Variants in GMDS observed in about 807,000 individuals in gnomAD.
GMDS encodes GDP-mannose 4,6-dehydratase, also known as GDP-mannose 4,6 dehydratase.
Under a neutral mutation model 49.9 loss-of-function variants are expected in GMDS, and 20 were observed. The observed-to-expected ratio is 0.40, with a 90% CI of 0.28 to 0.58. The LOEUF is 0.58. Among genes scored for constraint, GMDS ranks in the 20% least tolerant of loss-of-function variants. The probability of loss-of-function intolerance (pLI) is 0.42; values close to 1 mark genes in which losing one functional copy is unlikely to be tolerated. For missense variants in GMDS, 362 were observed against 481.4 expected, an observed-to-expected ratio of 0.75 and a Z score of 2.32; for synonymous variants, 177 against 178.6, an observed-to-expected ratio of 0.99 and a Z score of 0.07.
intron 7 of GMDS, among the ~76,000 whole-genome samples, chr6:1,823,628 T>G (rs1770985206): frequency 6.6e-6 from 1 of 152,172 alleles, no homozygotes; most frequent in Admixed American, 6.5e-5. Context: ...CCTAAGGTTG[T>G]GACCTTACCT....
chr6:2,243,066 T>A (rs538267706), intron 1 of GMDS, among the ~76,000 whole-genome samples: 2 of 152,170 alleles, frequency 1.3e-5, no homozygotes, highest in Non-Finnish European at 2.9e-5. Flanking sequence ...CAGAAGCCAA[T>A]GCAACACCAA....
intron 6 of GMDS, among the ~76,000 whole-genome samples, chr6:1,933,351 T>C (rs1762382944): frequency 6.6e-6 from 1 of 152,258 alleles, no homozygotes; most frequent in South Asian, 2.1e-4. Flanking sequence ...TTCATGCCTT[T>C]TTGTGAACGT....
chr6:1,802,459 T>A (rs1417435039), intron 7 of GMDS, among the ~76,000 whole-genome samples: 1 of 152,258 alleles, frequency 6.6e-6, no homozygotes. Flanking sequence ...CTAAAAGATT[T>A]TCCTTTCCAA....
intron 7 of GMDS, among the ~76,000 whole-genome samples, chr6:1,809,793 T>A (rs3800077): frequency 0.092 from 13,981 of 152,132 alleles, 1,002 homozygotes; most frequent in East Asian, 0.24. Context: ...TCTTTTCTCT[T>A]TTCAGGGGAA....
chr6:2,117,699 C>T lies in GMDS; in HGVS notation c.148-143G>A, dbSNP rs545160741. On this transcript the variant is annotated intron_variant, in intron 2 of 10. Transcript: ENST00000380815. ...AATAGTCCCACTGCTTACTTTCTCC[C>T]CAACCACTGTCCACCAGCTACGAAC... 1.8e-5 allele frequency: 11 copies of T among 605,940 alleles called. No homozygotes were observed. In the East Asian group the frequency reaches 3.2e-4, roughly 17 times the overall value. 37.5% of individuals were successfully genotyped at this position (605,940 alleles called of 1,614,324 possible).
intron 1 of GMDS, among the ~76,000 whole-genome samples, chr6:2,223,115 CAATCAATCAATCAATA>C (rs932738672): frequency 6.6e-6 from 1 of 151,546 alleles, no homozygotes; most frequent in African/African-American, 2.4e-5. Flanking sequence ...ATCAATCAAT[CAATCAATCAATCAATA>C]GCGCGCTCTC....
At chr6:1,996,991 A>T (rs1448322084) in intron 4 of GMDS, among the ~76,000 whole-genome samples, 3 of 151,924 alleles carry the variant, frequency 2.0e-5, no homozygotes, top group East Asian at 3.9e-4. Flanking sequence ...AAGTCTTCTG[A>T]TGCCCACCTC....
At chr6:1,985,331 G>C (rs1003697027) in intron 4 of GMDS, among the ~76,000 whole-genome samples, 1 of 152,010 alleles carries the variant, frequency 6.6e-6, no homozygotes, top group Non-Finnish European at 1.5e-5. Context: ...TTAACCATAC[G>C]GGATAAGAAT....
chr6:2,172,647 G>A (rs895878947), intron 1 of GMDS, among the ~76,000 whole-genome samples: 5 of 151,972 alleles, frequency 3.3e-5, no homozygotes, highest in South Asian at 2.1e-4. Flanking sequence ...AGCCGAGATC[G>A]CGCCACTGCA....
At chr6:2,229,667 T>C (rs1454003282) in intron 1 of GMDS, among the ~76,000 whole-genome samples, 1 of 152,144 alleles carries the variant, frequency 6.6e-6, no homozygotes. Flanking sequence ...CCTTTACAGA[T>C]TTATCTTAAT....
At chr6:2,245,213 G>A in intron 1 of GMDS, 108 bp downstream of exon 1, 4 of 764,688 alleles carry the variant, frequency 5.2e-6, no homozygotes, top group Non-Finnish European at 6.5e-6. Flanking sequence ...CTTCCGGGAC[G>A]CCGAGAGGGC....
intron 9 of GMDS, among the ~76,000 whole-genome samples, chr6:1,652,625 T>TATA (rs1491575714): frequency 2.8e-4 from 1 of 3,582 alleles, no homozygotes; most frequent in African/African-American, 7.9e-4. Flanking sequence ...ATATATATTA[T>TATA]TTATATATAA....
At chr6:1,967,613 A>G (rs904361415) in intron 4 of GMDS, among the ~76,000 whole-genome samples, 1 of 152,230 alleles carries the variant, frequency 6.6e-6, no homozygotes, top group African/African-American at 2.4e-5. Flanking sequence ...GTGCAGAAGA[A>G]GAATCTTAGA....
chr6:1,691,787 C>T (rs1204196819), intron 9 of GMDS, among the ~76,000 whole-genome samples: 1 of 152,146 alleles, frequency 6.6e-6, no homozygotes, highest in Non-Finnish European at 1.5e-5. Context: ...TCTCTGGCTA[C>T]CTTTAACATT....
chr6:2,174,631 G>T (rs1177609245), intron 1 of GMDS, among the ~76,000 whole-genome samples: 2 of 151,900 alleles, frequency 1.3e-5, no homozygotes, highest in African/African-American at 4.8e-5. Flanking sequence ...GTGGTGGTGC[G>T]ATCTCGGCTC....
chr6:1,798,656 C>T (rs1769831405), intron 7 of GMDS, among the ~76,000 whole-genome samples: 2 of 152,194 alleles, frequency 1.3e-5, no homozygotes, highest in African/African-American at 4.8e-5. Context: ...CATCCCTTCT[C>T]TTGGCGTATT....
rs575201823 is a variant in GMDS, at chr6:1,871,240, C to T, written c.771+58863G>A. 4.7e-4 allele frequency among the ~76,000 whole-genome samples: 72 copies of T among 152,274 alleles called. 1 individual carries two copies. The highest frequency in any genetic ancestry group is 1.6e-3 in the African/African-American group (68 of 41,550). ...GACTTCTCGGCCTCACTGTTTGAGA[C>T]GTTCTGGCATTTTTATTGCCTGTTG... is the stretch of plus-strand genomic sequence containing the variant. On this transcript the variant is annotated intron_variant, in intron 7 of 10. Coordinates refer to ENST00000380815, the MANE Select transcript of GMDS (RefSeq NM_001500.4).
At chr6:2,211,835 G>A (rs532125023) in intron 1 of GMDS, among the ~76,000 whole-genome samples, 2 of 152,228 alleles carry the variant, frequency 1.3e-5, no homozygotes, top group South Asian at 4.2e-4. Context: ...CCAAGTTTAC[G>A]ACTTCCAGTC....
chr6:2,148,834 C>G (rs1776702945), intron 1 of GMDS, among the ~76,000 whole-genome samples: 1 of 152,218 alleles, frequency 6.6e-6, no homozygotes, highest in Non-Finnish European at 1.5e-5. Context: ...AACCCCAAAT[C>G]TGAGTAAGTC....
Sources: allele counts gnomAD v4.1 joint callset (sites outside exome capture counted in the v4.1 genomes callset), GRCh38; gene constraint gnomAD v4.1.1; transcripts MANE v1.5; gene names NCBI Gene and HGNC (gene_info 2026-07-23, HGNC 2026-07-21).